The following CBY1 variants were observed in gnomAD, a reference collection of about 807,000 sequenced individuals.
CBY1 encodes protein chibby homolog 1.
In CBY1, 10 loss-of-function variants were observed where a neutral mutation model predicts 15.6. The ratio of observed to expected loss-of-function variants is 0.64; its 90% CI spans 0.40 to 1.09. The LOEUF is 1.09. Ranked by LOEUF, CBY1 falls within the 50% of genes least tolerant of loss-of-function variation. The pLI is 0.01. For synonymous variants in CBY1, 61 were observed against 63.5 expected, an observed-to-expected ratio of 0.96 and a Z score of 0.19; for missense variants, 150 against 160.5, an observed-to-expected ratio of 0.93 and a Z score of 0.35.
intron 1 of CBY1, 158 bp from the exon 2 acceptor site, chr22:38,667,859 G>A: frequency 3.4e-6 from 2 of 595,334 alleles, no homozygotes; most frequent in South Asian, 4.0e-5. Context: ...TTAAACAATG[G>A]CAATTCAATT....
chr22:38,662,546 A>G (rs1409461840), intron 1 of CBY1, among the ~76,000 whole-genome samples: 2 of 151,930 alleles, frequency 1.3e-5, no homozygotes, highest in Non-Finnish European at 2.9e-5. Context: ...GCTGGAGTGC[A>G]GTGTCATAAT....
At position 38,668,077 on chromosome 22, in the gene CBY1, T is replaced by C; in HGVS notation, c.23T>C (p.Phe8Ser). The C allele has an allele frequency of 6.2e-7, 1 of 1,614,002 alleles. No individual in the cohort carries two copies. The highest frequency in any genetic ancestry group is 8.5e-7 in the Non-Finnish European group (1 of 1,179,932). Reference protein sequence around the residue: MPFFGNTFSPKKTPPRKS... With the variant: MPFFGNTSSPKKTPPRKS... ...AAGATGCCTTTCTTTGGGAATACGT[T>C]CAGTCCGAAGAAGACACCTCCTCGG... The change falls in exon 2 of 5, where the codon TTC becomes TCC. Residue 8 changes from phenylalanine (F) to serine (S), a missense_variant. Phe to Ser is a radical substitution (Grantham distance 155). Coordinates refer to ENST00000216029, the MANE Select transcript of CBY1 (RefSeq NM_015373.4).
intron 1 of CBY1, among the ~76,000 whole-genome samples, chr22:38,662,312 AT>A (rs995769917): frequency 2.3e-5 from 3 of 133,246 alleles, no homozygotes; most frequent in African/African-American, 7.9e-5. Flanking sequence ...AAAAAAAAAA[AT>A]AAATAAATAA....
At position 38,672,069 on chromosome 22, in the gene CBY1, C is replaced by T. The variant is rs573549355; in HGVS notation, c.303+881C>T. On this transcript the variant is annotated intron_variant, in intron 4 of 4. Coordinates refer to ENST00000216029, the MANE Select transcript of CBY1 (RefSeq NM_015373.4). The stretch of plus-strand genomic sequence containing the variant: ...ACAAGGTCAGGAGTTCGAGACCAGC[C>T]TGACCAACATGGTGAAACCTTGTCT... 2.0e-5 allele frequency among the ~76,000 whole-genome samples: 3 copies of T among 151,802 alleles called. No individual in the cohort carries two copies. The East Asian group carries it at 5.9e-4, about 30-fold the overall frequency.
At chr22:38,669,631 A>C (rs1012095867) in intron 2 of CBY1, 3 of 152,246 alleles carry the variant, frequency 2.0e-5, no homozygotes, top group Non-Finnish European at 4.4e-5. Flanking sequence ...CTGAGCTTTC[A>C]TTTTCAACAG....
rs35974746 is a variant in CBY1 at position 38,663,697 on chromosome 22, CAAAAAAAAAAAA to C, written c.-38-4313_-38-4302del. ...GGCCACAAGAGCGAAACTCTGTCTCCAAAAAAAAAAAAAAAAAAGGAAAAAAAAAGAAAGCAA... is the reference window on the plus strand; with the variant it reads ...GGCCACAAGAGCGAAACTCTGTCTCCAAAAAAGGAAAAAAAAAGAAAGCAA... On this transcript the variant is annotated intron_variant, in intron 1 of 4. Transcript: ENST00000216029. Among the ~76,000 whole-genome samples the C allele has an allele frequency of 1.7e-3, 133 of 76,452 alleles. 2 individuals are homozygous for C. In the Middle Eastern group the frequency reaches 0.056, roughly 32 times the overall value. 50.2% of individuals were successfully genotyped at this position (76,452 alleles called of 152,430 possible).
rs35322853 is a variant in CBY1, at chr22:38,664,470, C to CAA, written c.-38-3531_-38-3530dup. On this transcript the variant is annotated intron_variant, in intron 1 of 4. Transcript: ENST00000216029. ...CCGATGACAGAGGGAGACTCCATCT[C>CAA]AAAAAAAAAAAAAAAAAGCAAAATA... Among the ~76,000 whole-genome samples, 678 of 91,910 alleles carry CAA rather than the reference C, an allele frequency of 7.4e-3. 17 individuals carry two copies. Among genetic ancestry groups the CAA allele is most frequent in the African/African-American group, 0.022 (543 of 24,608 alleles). The allele number at this position is 91,910 out of a possible 152,430, so 60.3% of individuals were successfully genotyped here. A position where few individuals can be genotyped will look rare whatever the true frequency, so the allele number is the denominator to read the frequency against.
chr22:38,657,209 A>G, intron 1 of CBY1: 1 of 630,096 alleles, frequency 1.6e-6, no homozygotes, highest in Non-Finnish European at 2.0e-6. Context: ...AGTGATTAGT[A>G]TCAGTATCTG....
chr22:38,665,333 G>A (rs1016406787), intron 1 of CBY1, among the ~76,000 whole-genome samples: 4 of 152,096 alleles, frequency 2.6e-5, no homozygotes, highest in African/African-American at 9.7e-5. Context: ...GCATGGTGGT[G>A]CGTGCCTATA....
At chr22:38,669,419 A>G (rs187022058) in intron 2 of CBY1, among the ~76,000 whole-genome samples, 23 of 152,312 alleles carry the variant, frequency 1.5e-4, no homozygotes, top group Admixed American at 1.2e-3. Context: ...ATACCTTTCT[A>G]TGTGCCAGGC....
intron 1 of CBY1, chr22:38,665,479 A>G (rs995113017): frequency 5.2e-6 from 2 of 386,554 alleles, no homozygotes; most frequent in Non-Finnish European, 9.1e-6. Flanking sequence ...AACACAAAAC[A>G]AAACTGCAAA....
At chr22:38,657,420 T>C (rs1945453093) in intron 1 of CBY1, among the ~76,000 whole-genome samples, 1 of 152,210 alleles carries the variant, frequency 6.6e-6, no homozygotes, top group African/African-American at 2.4e-5. Context: ...AGAGTGATCA[T>C]TGGAAGCCAG....
chr22:38,662,539 G>T (rs1406922185), intron 1 of CBY1, among the ~76,000 whole-genome samples: 1 of 151,838 alleles, frequency 6.6e-6, no homozygotes, highest in Non-Finnish European at 1.5e-5. Flanking sequence ...CACCCAAGCT[G>T]GAGTGCAGTG....
At chr22:38,657,922 T>C (rs1292193508) in intron 1 of CBY1, among the ~76,000 whole-genome samples, 1 of 152,236 alleles carries the variant, frequency 6.6e-6, no homozygotes, top group Non-Finnish European at 1.5e-5. Context: ...AAGTAATACA[T>C]GAATATATTC....
At chr22:38,661,226 C>T (rs1430452147) in intron 1 of CBY1, among the ~76,000 whole-genome samples, 2 of 152,028 alleles carry the variant, frequency 1.3e-5, no homozygotes, top group African/African-American at 2.4e-5. Context: ...CAGGCTGGAG[C>T]GCAGTGGTGT....
chr22:38,672,758 TAAG>T (rs1373795038), intron 4 of CBY1, among the ~76,000 whole-genome samples: 1 of 152,108 alleles, frequency 6.6e-6, no homozygotes, highest in African/African-American at 2.4e-5. Context: ...AAAAAAACCC[TAAG>T]GAGGAAAGTG....
intron 1 of CBY1, chr22:38,665,794 G>A (rs1292585825): frequency 6.2e-6 from 6 of 967,418 alleles, no homozygotes; most frequent in South Asian, 5.3e-5. Context: ...CAGCACTTTG[G>A]GAGGCCAAGG....
At chr22:38,668,163 T>C (rs1350755056) in intron 2 of CBY1, 31 bp downstream of exon 2, 2 of 1,345,766 alleles carry the variant, frequency 1.5e-6, no homozygotes, top group South Asian at 2.3e-5. Flanking sequence ...CGGCCGGGTG[T>C]GCAGCATGAG....
Position 38,673,420 on chromosome 22 carries a change from C to T in CBY1, c.*184C>T, listed in dbSNP as rs887196863. ...CCAAGATTCCAGATGGGGATAGTAA[C>T]TAGAAGGTGCTTCAGATGCACTGCC... On this transcript the variant is annotated 3_prime_UTR_variant, in exon 5 of 5. Transcript: ENST00000216029. 4 of 519,692 alleles carry T rather than the reference C, an allele frequency of 7.7e-6. No homozygotes were observed. In the African/African-American group the frequency reaches 7.7e-5, roughly 10 times the overall value. The allele number at this position is 519,692 out of a possible 1,614,324, so 32.2% of individuals were successfully genotyped here.
Sources: allele counts gnomAD v4.1 joint callset (sites outside exome capture counted in the v4.1 genomes callset), GRCh38; gene constraint gnomAD v4.1.1; transcripts MANE v1.5; gene names NCBI Gene and HGNC (gene_info 2026-07-23, HGNC 2026-07-21).